Variants in MCTP2 observed in about 807,000 individuals in gnomAD.
MCTP2 encodes the protein multiple C2 and transmembrane domain containing 2.
Under a neutral mutation model 111.6 loss-of-function variants are expected in MCTP2, and 132 were observed. The ratio of observed to expected loss-of-function variants is 1.18; its 90% CI spans 1.03 to 1.37. The LOEUF (loss-of-function observed/expected upper bound fraction) is 1.37. MCTP2 is among the 40% of genes most tolerant of loss of function. MCTP2 has a pLI of 0.00. For missense variants in MCTP2, 1,183 were observed against 1,067.9 expected, an observed-to-expected ratio of 1.11 and a Z score of -1.50; for synonymous variants, 395 against 387.7, an observed-to-expected ratio of 1.02 and a Z score of -0.22.
chr15:94,410,320 G>A (rs1317263678), intron 17 of MCTP2, among the ~76,000 whole-genome samples: 2 of 152,024 alleles, frequency 1.3e-5, no homozygotes, highest in African/African-American at 4.8e-5. Context: ...TGCTGTGGTT[G>A]GTGTTCAGGA....
At chr15:94,286,729 G>A in intron 1 of MCTP2, among the ~76,000 whole-genome samples, 1 of 152,154 alleles carries the variant, frequency 6.6e-6, no homozygotes, top group Non-Finnish European at 1.5e-5. Context: ...TTTCTGCTTG[G>A]CCAGTTGCTA....
intron 13 of MCTP2, 129 bp from the exon 14 acceptor site, chr15:94,385,294 T>A (rs2080392540): frequency 1.7e-6 from 1 of 583,022 alleles, no homozygotes; most frequent in African/African-American, 1.9e-5. Context: ...ATTTTTGGAA[T>A]TTAATTAAAT....
At chr15:94,244,745 C>T (rs1012181666) in intron 1 of MCTP2, among the ~76,000 whole-genome samples, 3 of 148,304 alleles carry the variant, frequency 2.0e-5, no homozygotes, top group African/African-American at 7.5e-5. Flanking sequence ...TATACACATA[C>T]ATATGCACCT....
chr15:94,310,862 G>T (rs1347696032), intron 2 of MCTP2, among the ~76,000 whole-genome samples: 1 of 151,716 alleles, frequency 6.6e-6, no homozygotes, highest in Non-Finnish European at 1.5e-5. Context: ...ATGGCTTAAA[G>T]TTCCAGGAGG....
intron 20 of MCTP2, among the ~76,000 whole-genome samples, chr15:94,467,136 GT>G (rs1357628591): frequency 2.0e-5 from 3 of 152,266 alleles, no homozygotes; most frequent in Non-Finnish European, 4.4e-5. Context: ...TATTATTCCT[GT>G]TTTAGAGATG....
intron 17 of MCTP2, among the ~76,000 whole-genome samples, chr15:94,436,612 G>A (rs959995612): frequency 6.6e-6 from 1 of 152,056 alleles, no homozygotes; most frequent in Non-Finnish European, 1.5e-5. Flanking sequence ...CAATGCTATA[G>A]CAAATGAGGT....
intron 17 of MCTP2, among the ~76,000 whole-genome samples, chr15:94,426,807 C>G (rs2082914627): frequency 6.6e-6 from 1 of 152,132 alleles, no homozygotes; most frequent in Admixed American, 6.5e-5. Flanking sequence ...TAGAATATAG[C>G]AAGTCACTCT....
At chr15:94,410,190 G>A (rs2082093214) in intron 17 of MCTP2, among the ~76,000 whole-genome samples, 1 of 152,044 alleles carries the variant, frequency 6.6e-6, no homozygotes, top group East Asian at 1.9e-4. Context: ...TTCAGAGAAA[G>A]GCCTCGCTAA....
At chr15:94,248,207 C>T (rs967772317) in intron 1 of MCTP2, among the ~76,000 whole-genome samples, 2 of 152,066 alleles carry the variant, frequency 1.3e-5, no homozygotes, top group African/African-American at 2.4e-5. Context: ...GCAAAGGTCA[C>T]ATTATGTAAC....
chr15:94,406,097 G>A (rs187175742), intron 17 of MCTP2, among the ~76,000 whole-genome samples: 285 of 152,198 alleles, frequency 1.9e-3, no homozygotes, highest in Non-Finnish European at 2.4e-3. Flanking sequence ...TACACAAGAC[G>A]TGTACATGGC....
At chr15:94,466,530 A>G (rs913425462) in intron 20 of MCTP2, among the ~76,000 whole-genome samples, 6 of 152,202 alleles carry the variant, frequency 3.9e-5, no homozygotes, top group Admixed American at 2.0e-4. Flanking sequence ...TGTCCACTCT[A>G]TGGTACAATG....
chr15:94,364,799 A>G (rs544372793), intron 10 of MCTP2, among the ~76,000 whole-genome samples: 9 of 152,364 alleles, frequency 5.9e-5, no homozygotes, highest in African/African-American at 2.2e-4. Flanking sequence ...TAATTCTCCC[A>G]GTCTCTGGCT....
At chr15:94,265,846 A>G (rs1012481400) in intron 1 of MCTP2, among the ~76,000 whole-genome samples, 2 of 152,168 alleles carry the variant, frequency 1.3e-5, no homozygotes, top group African/African-American at 4.8e-5. Context: ...TTAAATCCTT[A>G]TTTTTTAGCA....
intron 8 of MCTP2, among the ~76,000 whole-genome samples, chr15:94,348,500 C>T (rs2078122914): frequency 8.5e-6 from 1 of 117,528 alleles, no homozygotes; most frequent in Admixed American, 9.1e-5. Flanking sequence ...CTTCCTCTCT[C>T]TCTCAAATGA....
chr15:94,420,047 A>G (rs1451749993), intron 17 of MCTP2, among the ~76,000 whole-genome samples: 1 of 152,100 alleles, frequency 6.6e-6, no homozygotes, highest in Non-Finnish European at 1.5e-5. Flanking sequence ...TGAAGCCAGT[A>G]CTCATTTAGC....
intron 11 of MCTP2, among the ~76,000 whole-genome samples, 183 bp downstream of exon 11, chr15:94,367,974 A>G (rs1274491642): frequency 1.3e-5 from 2 of 152,258 alleles, no homozygotes; most frequent in East Asian, 1.9e-4. Flanking sequence ...TGAAAAGGTG[A>G]CAGTAGAATT....
In MCTP2 at chr15:94,384,048, G is replaced by A. The variant is rs1436278316; in HGVS notation, c.1609G>A (p.Glu537Lys). Residue 537 changes from glutamate (E) to lysine (K), a missense_variant, in exon 13 of 23, where the codon GAG becomes AAG. Glu to Lys is a moderately conservative substitution (Grantham distance 56). Transcript: ENST00000357742. ...SGKSDPFCLLELGNDRLQTHT... is the reference protein window; with the variant it reads ...SGKSDPFCLLKLGNDRLQTHT... ...GAAGAGTGACCCATTTTGCTTGTTG[G>A]AGTTAGGCAATGACCGACTTCAGAC... is the stretch of plus-strand genomic sequence containing the variant. 6.2e-7 allele frequency: 1 copy of A among 1,613,786 alleles called. No homozygotes were observed. Among genetic ancestry groups the A allele is most frequent in the Admixed American group, 1.7e-5 (1 of 60,004 alleles).
intron 4 of MCTP2, among the ~76,000 whole-genome samples, chr15:94,326,828 A>AC (rs1491216031): frequency 1.6e-5 from 1 of 64,232 alleles, no homozygotes; most frequent in Non-Finnish European, 3.3e-5. Context: ...ACCCCCCCCC[A>AC]ACCTCGGCCT....
chr15:94,355,873 A>G (rs2078592814), intron 8 of MCTP2: 1 of 1,012,534 alleles, frequency 9.9e-7, no homozygotes, highest in East Asian at 8.3e-5. Flanking sequence ...CAAAGAGCGC[A>G]TCTGGGTGGG....
Sources: allele counts gnomAD v4.1 joint callset (sites outside exome capture counted in the v4.1 genomes callset), GRCh38; gene constraint gnomAD v4.1.1; transcripts MANE v1.5; gene names NCBI Gene and HGNC (gene_info 2026-07-23, HGNC 2026-07-21).